The following PCED1B variants were observed in gnomAD, a reference collection of about 807,000 sequenced individuals.
PCED1B encodes the protein PC-esterase domain-containing protein 1B.
For synonymous variants in PCED1B, 251 were observed against 246.1 expected (o/e 1.02, Z -0.19); for missense variants, 573 against 573.9 (o/e 1.00, Z 0.02).
intron 3 of PCED1B, among the ~76,000 whole-genome samples, chr12:47,231,150 G>A (rs1027782792): frequency 6.6e-6 from 1 of 152,132 alleles, no homozygotes; most frequent in South Asian, 2.1e-4. Context: ...TTCTTAAGTG[G>A]GATCTTCGGG....
intron 1 of PCED1B, among the ~76,000 whole-genome samples, chr12:47,090,411 T>A (rs1233638777): frequency 1.3e-5 from 2 of 152,170 alleles, no homozygotes; most frequent in African/African-American, 4.8e-5. Context: ...ACTAAACAAT[T>A]ACATAAGCAG....
intron 2 of PCED1B, among the ~76,000 whole-genome samples, chr12:47,203,031 A>G (rs2137719965): frequency 6.8e-6 from 1 of 147,486 alleles, no homozygotes; most frequent in South Asian, 2.1e-4. Context: ...GTGAAGTGGC[A>G]TGATCTCAGC....
At position 47,218,231 on chromosome 12, in the gene PCED1B, G is replaced by A. The variant is rs115598973; in HGVS notation, c.-58+1542G>A. Reference sequence around the variant, plus strand: ...AGGGAGAAAAACCCCTAGGTCCGTTGTTGGCACTGAAGTGGGGAAAACCAT... The same window carrying A: ...AGGGAGAAAAACCCCTAGGTCCGTTATTGGCACTGAAGTGGGGAAAACCAT... On this transcript the variant is annotated intron_variant, in intron 3 of 3. Coordinates refer to ENST00000546455, the MANE Select transcript of PCED1B (RefSeq NM_138371.3). Among the ~76,000 whole-genome samples the A allele has an allele frequency of 5.0e-3, 766 of 152,346 alleles. 7 individuals are homozygous for A. Among genetic ancestry groups the A allele is most frequent in the African/African-American group, 0.018 (734 of 41,582 alleles).
intron 2 of PCED1B, among the ~76,000 whole-genome samples, chr12:47,167,633 T>C (rs1190243714): frequency 6.6e-6 from 1 of 152,198 alleles, no homozygotes; most frequent in Non-Finnish European, 1.5e-5. Flanking sequence ...GTGTCATAAA[T>C]AGCAGCACAG....
chr12:47,159,397 T>C (rs573271166), intron 2 of PCED1B, among the ~76,000 whole-genome samples: 1 of 152,190 alleles, frequency 6.6e-6, no homozygotes, highest in Non-Finnish European at 1.5e-5. Context: ...CTCTTCATCC[T>C]TGCCAGCATT....
intron 2 of PCED1B, among the ~76,000 whole-genome samples, chr12:47,174,045 C>G (rs533586441): frequency 6.6e-6 from 1 of 151,266 alleles, no homozygotes; most frequent in African/African-American, 2.4e-5. Flanking sequence ...TTTGGAAAGC[C>G]GAGGCAGGCC....
chr12:47,149,601 G>A lies in PCED1B; in HGVS notation c.-526+45406G>A, dbSNP rs550916175. 2.6e-5 allele frequency among the ~76,000 whole-genome samples: 4 copies of A among 152,322 alleles called. No homozygotes were observed. The South Asian group carries it at 6.2e-4, about 24-fold the overall frequency. ...AACCTGAAGAGTGAAGAGTTAGGAG[G>A]AGTATCACAATCATTTTATGGCAAA... On this transcript the variant is annotated intron_variant, in intron 2 of 3. Coordinates refer to ENST00000546455, the MANE Select transcript of PCED1B (RefSeq NM_138371.3).
chr12:47,175,577 T>C (rs185683863), intron 2 of PCED1B, among the ~76,000 whole-genome samples: 28 of 152,226 alleles, frequency 1.8e-4, no homozygotes, highest in African/African-American at 5.3e-4. Flanking sequence ...TGTATGTATG[T>C]ATGTATTTAT....
At position 47,234,606 on chromosome 12, in the gene PCED1B, C is replaced by G. The variant is rs756792722; in HGVS notation, c.-57-401C>G. ...CTTACTTGGGGTCCTCATTATCTAA[C>G]AGTGGCATAGCGCTAACCAAATCCA... On this transcript the variant is annotated intron_variant, in intron 3 of 3. Transcript: ENST00000546455. 3.9e-5 allele frequency among the ~76,000 whole-genome samples: 6 copies of G among 152,314 alleles called. No individual in the cohort carries two copies. The South Asian group carries it at 1.0e-3, about 26-fold the overall frequency.
At chr12:47,220,452 G>A (rs760239963) in intron 3 of PCED1B, among the ~76,000 whole-genome samples, 3 of 152,142 alleles carry the variant, frequency 2.0e-5, no homozygotes, top group Non-Finnish European at 2.9e-5. Context: ...GATTACAGGC[G>A]TGAGCCACTA....
intron 2 of PCED1B, among the ~76,000 whole-genome samples, chr12:47,104,622 T>C (rs1349678018): frequency 6.6e-6 from 1 of 152,198 alleles, no homozygotes; most frequent in Non-Finnish European, 1.5e-5. Context: ...GAGTAAATTA[T>C]GTTGTACCCT....
chr12:47,201,985 C>A (rs1374617462), intron 2 of PCED1B, among the ~76,000 whole-genome samples: 3 of 152,132 alleles, frequency 2.0e-5, no homozygotes, highest in African/African-American at 7.2e-5. Flanking sequence ...CTAAGCTCTG[C>A]CCAATTATGA....
In PCED1B at chr12:47,235,396, G is replaced by A. The variant is rs79990001; in HGVS notation, c.333G>A (p.Ser111=). 9 of 1,613,972 alleles carry A rather than the reference G, an allele frequency of 5.6e-6. No homozygotes were observed. The highest frequency in any genetic ancestry group is 7.6e-6 in the Non-Finnish European group (9 of 1,180,032). Residue 111 remains serine, a synonymous_variant, in exon 4 of 4, where the codon TCG becomes TCA. Transcript: ENST00000546455. ...YLQTILKELQ[S]GEHAPDLVIM... ...AGACCATCTTGAAAGAGCTGCAGTC[G>A]GGCGAGCACGCCCCCGACCTGGTCA...
intron 2 of PCED1B, among the ~76,000 whole-genome samples, chr12:47,215,253 AC>A (rs1943217545): frequency 7.3e-6 from 1 of 137,350 alleles, no homozygotes; most frequent in Admixed American, 7.3e-5. Context: ...CATCTCCCCC[AC>A]CCTTTTTTTT....
intron 2 of PCED1B, among the ~76,000 whole-genome samples, chr12:47,203,011 C>T (rs553637222): frequency 2.0e-5 from 3 of 150,850 alleles, no homozygotes; most frequent in African/African-American, 7.3e-5. Flanking sequence ...GCTCTGTTGC[C>T]CAGGCTGGAG....
At chr12:47,098,904 G>C (rs1270713966) in intron 1 of PCED1B, among the ~76,000 whole-genome samples, 1 of 152,142 alleles carries the variant, frequency 6.6e-6, no homozygotes, top group Non-Finnish European at 1.5e-5. Flanking sequence ...TCCCAGCTTT[G>C]GTGGCTATGA....
chr12:47,156,411 G>A (rs12371765), intron 2 of PCED1B, among the ~76,000 whole-genome samples: 86,511 of 151,866 alleles, frequency 0.57, 25,936 homozygotes, highest in South Asian at 0.73. Flanking sequence ...CATTTTGCAC[G>A]ATACTATTGG....
At chr12:47,126,632 A>G (rs1374521094) in intron 2 of PCED1B, among the ~76,000 whole-genome samples, 1 of 152,070 alleles carries the variant, frequency 6.6e-6, no homozygotes, top group Non-Finnish European at 1.5e-5. Flanking sequence ...TGAGCCTGGA[A>G]TTTTCTTTGT....
chr12:47,099,234 C>T (rs1343132400), intron 1 of PCED1B, among the ~76,000 whole-genome samples: 2 of 152,202 alleles, frequency 1.3e-5, no homozygotes, highest in Non-Finnish European at 2.9e-5. Context: ...TAAGGGATAA[C>T]AATTCACATA....
Sources: gnomAD v4.1 joint callset for allele counts (sites outside exome capture counted in the v4.1 genomes callset) on GRCh38, gnomAD v4.1.1 for gene constraint, MANE v1.5 for transcripts, NCBI Gene and HGNC (gene_info 2026-07-23, HGNC 2026-07-21) for gene names.